The following RBM6 variants were observed in gnomAD, a reference collection of about 807,000 sequenced individuals.
RBM6 encodes the protein RNA binding motif protein 6.
A neutral mutation model predicts 140.4 loss-of-function variants in RBM6; 23 were observed. The ratio of observed to expected loss-of-function variants is 0.16; its 90% CI spans 0.12 to 0.23. The LOEUF (loss-of-function observed/expected upper bound fraction) is 0.23. Ranked by LOEUF, RBM6 falls within the 10% of genes least tolerant of loss-of-function variation. The pLI is 1.00. For missense variants in RBM6, 1,139 were observed against 1,386.7 expected (o/e 0.82, Z 2.84); for synonymous variants, 439 against 475.6 (o/e 0.92, Z 1.00).
At chr3:50,052,570 TCA>T (rs989285650) in intron 7 of RBM6, among the ~76,000 whole-genome samples, 1 of 152,202 alleles carries the variant, frequency 6.6e-6, no homozygotes, top group Non-Finnish European at 1.5e-5. Flanking sequence ...TCCTAGATTC[TCA>T]GTTTTATTCT....
At chr3:49,940,765 T>G (rs2083249081) in intron 1 of RBM6, 1 of 152,644 alleles carries the variant, frequency 6.6e-6, no homozygotes, top group African/African-American at 2.4e-5. Flanking sequence ...CTGCGCCCGT[T>G]AGGCAATGAA....
At chr3:50,048,411 C>T in intron 7 of RBM6, 92 bp downstream of exon 7, 1 of 1,529,524 alleles carries the variant, frequency 6.5e-7, no homozygotes, top group African/African-American at 1.4e-5. Context: ...ACATGCATTC[C>T]CAAGGACAAA....
intron 1 of RBM6, among the ~76,000 whole-genome samples, chr3:49,951,244 G>C (rs928216500): frequency 1.3e-5 from 2 of 152,162 alleles, no homozygotes; most frequent in Non-Finnish European, 2.9e-5. Flanking sequence ...ATGGGGTCTT[G>C]CTCTGTTGCC....
chr3:50,037,265 G>A (rs1394095131), intron 6 of RBM6, among the ~76,000 whole-genome samples: 1 of 152,088 alleles, frequency 6.6e-6, no homozygotes, highest in Non-Finnish European at 1.5e-5. Context: ...GCCAGACTTG[G>A]TGACATGCAC....
intron 6 of RBM6, among the ~76,000 whole-genome samples, chr3:50,033,666 A>C (rs2088320630): frequency 6.6e-6 from 1 of 151,848 alleles, no homozygotes; most frequent in African/African-American, 2.4e-5. Context: ...TCTTTTTTTG[A>C]GATGGAGTCT....
intron 2 of RBM6, among the ~76,000 whole-genome samples, chr3:49,966,384 G>A (rs777210629): frequency 6.6e-6 from 1 of 152,084 alleles, no homozygotes; most frequent in South Asian, 2.1e-4. Flanking sequence ...TCCCTGCCTA[G>A]GATCCTAGGT....
intron 6 of RBM6, among the ~76,000 whole-genome samples, chr3:50,014,263 T>G (rs2087002500): frequency 6.6e-6 from 1 of 152,202 alleles, no homozygotes; most frequent in African/African-American, 2.4e-5. Flanking sequence ...AGTCACGAGC[T>G]TAGCCTGTGT....
At chr3:50,056,369 A>G (rs1467153258) in intron 8 of RBM6, among the ~76,000 whole-genome samples, 1 of 150,904 alleles carries the variant, frequency 6.6e-6, no homozygotes, top group East Asian at 1.9e-4. Context: ...ATCTCGGCTC[A>G]CTGCAAGCTC....
Position 50,077,246 on chromosome 3 carries a change from G to A in RBM6, c.*113G>A. ...TTTTTTAAATAAACTTTTTTTCAATGTGATTATCTTTTTGTTATTTTTTTT... is the reference window on the plus strand; with the variant it reads ...TTTTTTAAATAAACTTTTTTTCAATATGATTATCTTTTTGTTATTTTTTTT... On this transcript the variant is annotated 3_prime_UTR_variant, in exon 21 of 21. Coordinates refer to ENST00000266022, the MANE Select transcript of RBM6 (RefSeq NM_005777.3). 2 of 1,197,158 alleles carry A rather than the reference G, an allele frequency of 1.7e-6. No homozygotes were observed. The highest frequency in any genetic ancestry group is 1.1e-6 in the Non-Finnish European group (1 of 888,738). The allele number at this position is 1,197,158 out of a possible 1,614,324, so 74.2% of individuals were successfully genotyped here.
At chr3:49,946,282 G>T (rs1472118246) in intron 1 of RBM6, among the ~76,000 whole-genome samples, 1 of 150,344 alleles carries the variant, frequency 6.7e-6, no homozygotes, top group Non-Finnish European at 1.5e-5. Flanking sequence ...GCTCTGTCAC[G>T]CAGGCTGGAG....
intron 5 of RBM6, among the ~76,000 whole-genome samples, chr3:49,996,336 G>T (rs977321837): frequency 1.3e-5 from 2 of 152,018 alleles, no homozygotes; most frequent in African/African-American, 2.4e-5. Flanking sequence ...TTCACCTTGG[G>T]GTCTTCAAGT....
chr3:49,974,573 C>T (rs371272098), intron 4 of RBM6, among the ~76,000 whole-genome samples: 4 of 150,906 alleles, frequency 2.7e-5, no homozygotes, highest in South Asian at 2.1e-4. Flanking sequence ...GGGGTTTTAC[C>T]GTGTTAGCCA....
chr3:50,000,875 G>C (rs2086295835), intron 6 of RBM6, among the ~76,000 whole-genome samples: 1 of 152,084 alleles, frequency 6.6e-6, no homozygotes, highest in Non-Finnish European at 1.5e-5. Flanking sequence ...TCCTCTTATG[G>C]GTATGGAGAT....
intron 1 of RBM6, among the ~76,000 whole-genome samples, chr3:49,944,703 T>G (rs1423582232): frequency 6.6e-6 from 1 of 151,990 alleles, no homozygotes; most frequent in Non-Finnish European, 1.5e-5. Flanking sequence ...CTTGAACTTC[T>G]GACCTCAGGT....
intron 5 of RBM6, among the ~76,000 whole-genome samples, chr3:49,991,525 C>T (rs1408176825): frequency 1.3e-5 from 2 of 152,146 alleles, no homozygotes; most frequent in Admixed American, 6.6e-5. Context: ...AAAGAACACT[C>T]CTATCACCCT....
chr3:50,075,356 G>C (rs187271663), intron 20 of RBM6, 26 bp downstream of exon 20: 1 of 1,602,562 alleles, frequency 6.2e-7, no homozygotes, highest in East Asian at 2.2e-5. Context: ...TCTTTTGGGG[G>C]GTGACATGAA....
intron 6 of RBM6, among the ~76,000 whole-genome samples, chr3:50,031,877 G>A (rs2088187804): frequency 6.6e-6 from 1 of 152,106 alleles, no homozygotes; most frequent in Admixed American, 6.6e-5. Context: ...AAATGCATGA[G>A]GGGATGGATA....
At chr3:49,943,875 C>T (rs946753698) in intron 1 of RBM6, among the ~76,000 whole-genome samples, 5 of 152,162 alleles carry the variant, frequency 3.3e-5, no homozygotes, top group South Asian at 2.1e-4. Context: ...ACATCCTCCC[C>T]AACACTTATT....
intron 7 of RBM6, among the ~76,000 whole-genome samples, chr3:50,053,099 G>A (rs2089544661): frequency 6.6e-6 from 1 of 151,806 alleles, no homozygotes; most frequent in Non-Finnish European, 1.5e-5. Context: ...TTCCTCAAGT[G>A]AGTTAACCTC....
Sources: gnomAD v4.1 joint callset for allele counts (sites outside exome capture counted in the v4.1 genomes callset) on GRCh38, gnomAD v4.1.1 for gene constraint, MANE v1.5 for transcripts, NCBI Gene and HGNC (gene_info 2026-07-23, HGNC 2026-07-21) for gene names.